MAGI3: variants seen among roughly 807,000 people sequenced by gnomAD.
MAGI3 encodes the protein membrane-associated guanylate kinase, WW and PDZ domain-containing protein 3.
MAGI3 carries 43 observed loss-of-function variants against 121.8 expected under a neutral mutation model. The observed-to-expected ratio is 0.35, with a 90% confidence interval of 0.28 to 0.46. The LOEUF (loss-of-function observed/expected upper bound fraction) is 0.46. Ranked by LOEUF, MAGI3 falls within the 20% of genes least tolerant of loss-of-function variation. The pLI is 1.00. For missense variants in MAGI3, 1,547 were observed against 1,797.3 expected, an observed-to-expected ratio of 0.86 and a Z score of 2.52; for synonymous variants, 553 against 639.3, an observed-to-expected ratio of 0.86 and a Z score of 2.04.
chr1:113,577,025 C>T (rs1209095116), intron 2 of MAGI3: 1 of 152,070 alleles, frequency 6.6e-6, no homozygotes, highest in Non-Finnish European at 1.5e-5. Flanking sequence ...CAAAACTAAG[C>T]TATGTTGCTT....
intron 1 of MAGI3, among the ~76,000 whole-genome samples, chr1:113,411,519 A>C (rs1651984674): frequency 6.6e-6 from 1 of 152,024 alleles, no homozygotes; most frequent in Non-Finnish European, 1.5e-5. Flanking sequence ...ACTGCCAATG[A>C]TTACTTCCCA....
chr1:113,646,455 AAAT>A, intron 11 of MAGI3, 28 bp from the exon 12 acceptor site: 1 of 1,542,718 alleles, frequency 6.5e-7, no homozygotes. Context: ...GCTTTTTAAA[AAAT>A]ACTAAGTAAG....
intron 1 of MAGI3, among the ~76,000 whole-genome samples, chr1:113,433,892 G>A (rs779235723): frequency 9.9e-5 from 15 of 152,138 alleles, no homozygotes; most frequent in East Asian, 3.8e-4. Flanking sequence ...CAGATGTTGA[G>A]TCACAATTTG....
chr1:113,423,644 C>T (rs2101391254), intron 1 of MAGI3, among the ~76,000 whole-genome samples: 1 of 152,194 alleles, frequency 6.6e-6, no homozygotes, highest in Non-Finnish European at 1.5e-5. Flanking sequence ...CATGGGTAGG[C>T]CTGGAAAAAG....
At chr1:113,653,520 C>T (rs562240446) in intron 14 of MAGI3, among the ~76,000 whole-genome samples, 13 of 151,608 alleles carry the variant, frequency 8.6e-5, no homozygotes, top group African/African-American at 2.4e-4. Flanking sequence ...TGCAATGAGC[C>T]GAGATCGCGC....
At chr1:113,456,612 G>GT (rs1343144322) in intron 1 of MAGI3, among the ~76,000 whole-genome samples, 1 of 152,116 alleles carries the variant, frequency 6.6e-6, no homozygotes, top group Non-Finnish European at 1.5e-5. Context: ...TAAAAAGTAG[G>GT]TGAATATTAG....
chr1:113,558,145 G>A (rs184983942), intron 2 of MAGI3, among the ~76,000 whole-genome samples: 25 of 152,238 alleles, frequency 1.6e-4, no homozygotes, highest in Admixed American at 1.5e-3. Context: ...AAAAGCTAGG[G>A]TACCCCCTCT....
At chr1:113,603,904 C>T (rs1649568759) in intron 6 of MAGI3, among the ~76,000 whole-genome samples, 1 of 152,078 alleles carries the variant, frequency 6.6e-6, no homozygotes, top group Non-Finnish European at 1.5e-5. Flanking sequence ...AAAAAAAATG[C>T]TCATCATCAG....
intron 19 of MAGI3, 125 bp from the exon 20 acceptor site, chr1:113,681,073 A>G (rs1395721328): frequency 9.6e-7 from 1 of 1,040,676 alleles, no homozygotes; most frequent in East Asian, 2.5e-5. Flanking sequence ...AGTACTGGGT[A>G]CACGTTAGGT....
chr1:113,673,768 TAATA>T, intron 19 of MAGI3, among the ~76,000 whole-genome samples: 1 of 152,314 alleles, frequency 6.6e-6, no homozygotes, highest in East Asian at 1.9e-4. Context: ...GTAAACGAAT[TAATA>T]AATACACTTT....
chr1:113,586,973 C>T (rs1210639349), intron 4 of MAGI3, among the ~76,000 whole-genome samples: 1 of 152,090 alleles, frequency 6.6e-6, no homozygotes, highest in African/African-American at 2.4e-5. Context: ...GTGTGGGAGG[C>T]AGTTCGTATA....
At chr1:113,441,121 A>G (rs12039944) in intron 1 of MAGI3, among the ~76,000 whole-genome samples, 23,185 of 152,040 alleles carry the variant, frequency 0.15, 2,805 homozygotes, top group East Asian at 0.63. Context: ...TTGGAGATCT[A>G]TAGCTTCAAT....
intron 1 of MAGI3, among the ~76,000 whole-genome samples, chr1:113,442,553 G>A (rs927707076): frequency 6.6e-6 from 1 of 151,574 alleles, no homozygotes; most frequent in African/African-American, 2.4e-5. Flanking sequence ...AAATATATAT[G>A]TGTATATATA....
At chr1:113,583,769 G>A (rs1648190182) in intron 3 of MAGI3, among the ~76,000 whole-genome samples, 1 of 75,710 alleles carries the variant, frequency 1.3e-5, no homozygotes, top group South Asian at 4.4e-4. Context: ...AGTTTAGTCT[G>A]TTTTCATACA....
intron 9 of MAGI3, among the ~76,000 whole-genome samples, chr1:113,638,833 G>T (rs2101816377): frequency 6.6e-6 from 1 of 152,378 alleles, no homozygotes; most frequent in East Asian, 1.9e-4. Flanking sequence ...CCCGCCCCCA[G>T]AGGTGGAGCC....
chr1:113,503,097 T>G (rs1657103112), intron 1 of MAGI3, among the ~76,000 whole-genome samples: 1 of 91,590 alleles, frequency 1.1e-5, no homozygotes. Flanking sequence ...AGGGGTAGCA[T>G]TGGGAGATAT....
chr1:113,682,733 T>G (rs1263149409), intron 20 of MAGI3, 164 bp from the exon 21 acceptor site: 2 of 982,938 alleles, frequency 2.0e-6, no homozygotes, highest in African/African-American at 3.5e-5. Flanking sequence ...TCTGTACACA[T>G]CCGCCTTTAT....
intron 6 of MAGI3, among the ~76,000 whole-genome samples, chr1:113,602,131 G>C (rs1016850762): frequency 1.3e-3 from 195 of 152,086 alleles, no homozygotes; most frequent in Non-Finnish European, 2.4e-3. Flanking sequence ...TAAATGACGA[G>C]TTAATGGGTG....
chr1:113,523,035 C>T (rs1263912191), intron 1 of MAGI3, among the ~76,000 whole-genome samples: 1 of 152,004 alleles, frequency 6.6e-6, no homozygotes, highest in African/African-American at 2.4e-5. Context: ...TGGTTCTTTC[C>T]CATGTTCTTC....
Sources: allele counts gnomAD v4.1 joint callset (sites outside exome capture counted in the v4.1 genomes callset), GRCh38; gene constraint gnomAD v4.1.1; transcripts MANE v1.5; gene names NCBI Gene and HGNC (gene_info 2026-07-23, HGNC 2026-07-21).